The following USP12 variants were observed in gnomAD, a reference collection of about 807,000 sequenced individuals.
USP12 encodes ubiquitin carboxyl-terminal hydrolase 12.
In USP12, 19 loss-of-function variants were observed where a neutral mutation model predicts 45.5. The ratio of observed to expected loss-of-function variants is 0.42; its 90% CI spans 0.29 to 0.61. USP12 has a LOEUF of 0.61. Among genes scored for constraint, USP12 ranks in the 20% least tolerant of loss-of-function variants. The pLI is 0.22. For synonymous variants in USP12, 149 were observed against 148.8 expected, an observed-to-expected ratio of 1.00 and a Z score of -0.01; for missense variants, 242 against 447.7, an observed-to-expected ratio of 0.54 and a Z score of 4.15.
intron 1 of USP12, 76 bp downstream of exon 1, chr13:27,171,516 G>A (rs1483537426): frequency 1.5e-5 from 10 of 676,194 alleles, no homozygotes; most frequent in Non-Finnish European, 1.9e-5. Context: ...AGCGGCCACT[G>A]GGAGAGGCGG....
chr13:27,133,986 A>G (rs1038127064), intron 1 of USP12, among the ~76,000 whole-genome samples: 2 of 152,122 alleles, frequency 1.3e-5, no homozygotes, highest in Non-Finnish European at 2.9e-5. Flanking sequence ...AAATAAAAAC[A>G]TCAGCTGGGC....
intron 1 of USP12, among the ~76,000 whole-genome samples, chr13:27,155,462 C>T (rs1473489131): frequency 6.6e-6 from 1 of 152,116 alleles, no homozygotes; most frequent in African/African-American, 2.4e-5. Flanking sequence ...CCATTGGAAA[C>T]TAATGCACAC....
intron 1 of USP12, among the ~76,000 whole-genome samples, chr13:27,118,232 A>G (rs535099547): frequency 6.6e-6 from 1 of 152,044 alleles, no homozygotes; most frequent in South Asian, 2.1e-4. Context: ...TGACAGCTCT[A>G]GGCTGAAAAG....
chr13:27,146,149 C>G (rs986886162), intron 1 of USP12, among the ~76,000 whole-genome samples: 3 of 152,180 alleles, frequency 2.0e-5, no homozygotes, highest in African/African-American at 7.2e-5. Flanking sequence ...CTCCTGTAAT[C>G]CCAGCACTTT....
At chr13:27,089,794 A>G in intron 6 of USP12, 89 bp downstream of exon 6, 4 of 1,301,352 alleles carry the variant, frequency 3.1e-6, no homozygotes, top group Non-Finnish European at 3.2e-6. Flanking sequence ...ACTCAATGTA[A>G]ATTTTCCTAG....
chr13:27,104,028 A>C (rs1019128010), intron 3 of USP12, among the ~76,000 whole-genome samples: 1 of 152,146 alleles, frequency 6.6e-6, no homozygotes, highest in Non-Finnish European at 1.5e-5. Flanking sequence ...TATGAGCTGC[A>C]TACTTCTGAA....
rs748544269 is a variant in USP12, at chr13:27,069,271, C to T, written c.*12G>A. 2 of 1,598,776 alleles carry T rather than the reference C, an allele frequency of 1.3e-6. No homozygotes were observed. The highest frequency in any genetic ancestry group is 1.7e-5 in the Admixed American group (1 of 59,996). ...AATGAGGCAGAAAGTGTCTCTTCATCACGGTTCCCTCTCAGTCCCGAGACT... is the reference window on the plus strand; with the variant it reads ...AATGAGGCAGAAAGTGTCTCTTCATTACGGTTCCCTCTCAGTCCCGAGACT... On this transcript the variant is annotated 3_prime_UTR_variant, in exon 9 of 9. Transcript: ENST00000282344.
In USP12 at chr13:27,171,761, C is replaced by G. The variant is rs1878645077; in HGVS notation, c.-122G>C. 2.1e-6 allele frequency: 1 copy of G among 482,968 alleles called. No homozygotes were observed. The highest frequency in any genetic ancestry group is 2.8e-6 in the Non-Finnish European group (1 of 363,340). 29.9% of individuals were successfully genotyped at this position (482,968 alleles called of 1,614,324 possible). On this transcript the variant is annotated 5_prime_UTR_variant, in exon 1 of 9. Transcript: ENST00000282344. ...CCCCGAGCCGCCGCGGACCCAACCA[C>G]CGAGCCCGCTGGGCCGCCGCTGCCG...
chr13:27,162,405 T>C (rs1372560823), intron 1 of USP12, among the ~76,000 whole-genome samples: 1 of 152,216 alleles, frequency 6.6e-6, no homozygotes, highest in East Asian at 1.9e-4. Flanking sequence ...GTAGATGTCA[T>C]AACGAGTTTG....
intron 1 of USP12, among the ~76,000 whole-genome samples, chr13:27,156,688 G>A (rs1877857303): frequency 1.3e-5 from 2 of 152,132 alleles, no homozygotes; most frequent in South Asian, 2.1e-4. Flanking sequence ...GGGCATGGTG[G>A]CAGGCACCTG....
chr13:27,086,181 A>ATATAT (rs1565984501), intron 6 of USP12, among the ~76,000 whole-genome samples: 15 of 29,440 alleles, frequency 5.1e-4, no homozygotes, highest in Non-Finnish European at 7.0e-4. Flanking sequence ...CTTTAAAAAA[A>ATATAT]AAAAAAAAAA....
Position 27,171,787 on chromosome 13 carries a change from T to G in USP12, c.-148A>C. Reference sequence around the variant, plus strand: ...CGAGCCCGCTGGGCCGCCGCTGCCGTCGTCGCCGCCGGCGCTCAGGCACTC... The same window carrying G: ...CGAGCCCGCTGGGCCGCCGCTGCCGGCGTCGCCGCCGGCGCTCAGGCACTC... On this transcript the variant is annotated 5_prime_UTR_variant, in exon 1 of 9. Coordinates refer to ENST00000282344, the MANE Select transcript of USP12 (RefSeq NM_182488.4). The G allele has an allele frequency of 3.6e-6, 1 of 274,680 alleles. No homozygotes were observed. Among genetic ancestry groups the G allele is most frequent in the Non-Finnish European group, 5.5e-6 (1 of 180,502 alleles). 17.0% of individuals were successfully genotyped at this position (274,680 alleles called of 1,614,324 possible). A position where few individuals can be genotyped will look rare whatever the true frequency, so the allele number is the denominator to read the frequency against.
intron 1 of USP12, among the ~76,000 whole-genome samples, chr13:27,147,194 CG>C (rs1566003181): frequency 6.6e-6 from 1 of 152,194 alleles, no homozygotes. Flanking sequence ...ATAAACTCCA[CG>C]CAGCCTACAC....
chr13:27,131,248 G>C (rs1876486416), intron 1 of USP12, among the ~76,000 whole-genome samples: 1 of 152,178 alleles, frequency 6.6e-6, no homozygotes, highest in South Asian at 2.1e-4. Flanking sequence ...AGGCTGCACA[G>C]GTGTGAAACC....
intron 4 of USP12, among the ~76,000 whole-genome samples, chr13:27,093,600 G>C (rs1874422268): frequency 6.6e-6 from 1 of 152,314 alleles, no homozygotes; most frequent in African/African-American, 2.4e-5. Context: ...AGCCACTGTG[G>C]AAGACAGAAT....
In USP12 at chr13:27,171,665, T is replaced by A. The variant is rs1878631811; in HGVS notation, c.-26A>T. 8.3e-7 allele frequency: 1 copy of A among 1,203,002 alleles called. No homozygotes were observed. The highest frequency in any genetic ancestry group is 1.1e-6 in the Non-Finnish European group (1 of 924,628). The allele number at this position is 1,203,002 out of a possible 1,614,324, so 74.5% of individuals were successfully genotyped here. ...CCGGCCAGCGCCATCTTCCACCCAA[T>A]CACAGCGGCGGCGGCGGGCGGGGGA... On this transcript the variant is annotated 5_prime_UTR_variant, in exon 1 of 9. Coordinates refer to ENST00000282344, the MANE Select transcript of USP12 (RefSeq NM_182488.4).
chr13:27,069,668 C>T (rs1331953529), intron 8 of USP12, among the ~76,000 whole-genome samples: 2 of 152,198 alleles, frequency 1.3e-5, no homozygotes, highest in Non-Finnish European at 2.9e-5. Context: ...AACTTCTAGG[C>T]TGGGCACACT....
chr13:27,170,130 T>A, intron 1 of USP12: 1 of 394,278 alleles, frequency 2.5e-6, no homozygotes, highest in Non-Finnish European at 4.5e-6. Flanking sequence ...TTAATACAAA[T>A]GCTTTCCTAA....
intron 1 of USP12, among the ~76,000 whole-genome samples, chr13:27,152,351 C>T (rs2497970): frequency 0.99 from 151,149 of 152,328 alleles, 74,999 homozygotes; most frequent in Middle Eastern, 1. Context: ...CTTGAAAACA[C>T]GCAAAGTAAA....
Sources: allele counts gnomAD v4.1 joint callset (sites outside exome capture counted in the v4.1 genomes callset), GRCh38; gene constraint gnomAD v4.1.1; transcripts MANE v1.5; gene names NCBI Gene and HGNC (gene_info 2026-07-23, HGNC 2026-07-21).